The following DLC1 variants were observed in gnomAD, a reference collection of about 807,000 sequenced individuals.
DLC1 encodes rho GTPase-activating protein 7.
A neutral mutation model predicts 140.3 loss-of-function variants in DLC1; 54 were observed. The observed-to-expected ratio is 0.38, with a 90% CI of 0.31 to 0.48. The LOEUF (loss-of-function observed/expected upper bound fraction) is 0.48, where lower values mean the gene tolerates loss of function less well. Ranked by LOEUF, DLC1 falls within the 20% of genes least tolerant of loss-of-function variation. The probability of loss-of-function intolerance (pLI) is 0.96; values close to 1 mark genes in which losing one functional copy is unlikely to be tolerated. For synonymous variants in DLC1, 986 were observed against 728.1 expected (o/e 1.35, Z -5.70); for missense variants, 2,536 against 1,907.0 (o/e 1.33, Z -6.14).
chr8:13,390,996 G>GAAAAAAA (rs34458274), intron 4 of DLC1, among the ~76,000 whole-genome samples: 1 of 141,248 alleles, frequency 7.1e-6, no homozygotes. Flanking sequence ...AAAAAAAAAA[G>GAAAAAAA]AAAAAAAAAA....
At chr8:13,192,860 A>T (rs573316420) in intron 5 of DLC1, among the ~76,000 whole-genome samples, 64 of 152,316 alleles carry the variant, frequency 4.2e-4, no homozygotes, top group African/African-American at 1.5e-3. Flanking sequence ...CCTCGGAGGA[A>T]TCCGACACTG....
chr8:13,600,759 C>G (rs1196335899), intron 1 of DLC1, among the ~76,000 whole-genome samples: 1 of 151,502 alleles, frequency 6.6e-6, no homozygotes, highest in Non-Finnish European at 1.5e-5. Context: ...TGTTCATGAA[C>G]CTTATCTACA....
chr8:13,089,860 G>A (rs1376940165), intron 15 of DLC1, among the ~76,000 whole-genome samples: 2 of 152,156 alleles, frequency 1.3e-5, no homozygotes, highest in African/African-American at 4.8e-5. Context: ...GCTCATTAAA[G>A]GGCCAAGAGA....
At chr8:13,215,979 C>T (rs1450710133) in intron 5 of DLC1, among the ~76,000 whole-genome samples, 1 of 152,090 alleles carries the variant, frequency 6.6e-6, no homozygotes, top group Non-Finnish European at 1.5e-5. Flanking sequence ...CATGGTGTTT[C>T]CCCAGAAAAG....
chr8:13,091,203 C>T (rs953788982), intron 14 of DLC1, 115 bp downstream of exon 14: 2 of 820,184 alleles, frequency 2.4e-6, no homozygotes, highest in East Asian at 2.6e-5. Context: ...GCTATTTATA[C>T]CGTCTCCAGC....
chr8:13,556,696 G>C (rs1804057740), intron 1 of DLC1, among the ~76,000 whole-genome samples: 1 of 152,158 alleles, frequency 6.6e-6, no homozygotes, highest in East Asian at 1.9e-4. Context: ...TTTTCTGAAT[G>C]AGACCTAGCT....
chr8:13,590,868 C>T (rs1184037388), intron 1 of DLC1, among the ~76,000 whole-genome samples: 1 of 152,006 alleles, frequency 6.6e-6, no homozygotes, highest in Non-Finnish European at 1.5e-5. Context: ...AGCACAAATA[C>T]AAATATGTTT....
intron 5 of DLC1, among the ~76,000 whole-genome samples, chr8:13,224,774 C>A (rs111848230): frequency 6.6e-6 from 1 of 152,158 alleles, no homozygotes; most frequent in South Asian, 2.1e-4. Flanking sequence ...AGAGTGAGCG[C>A]CTACAGATTT....
At chr8:13,589,052 G>T (rs138423450) in intron 1 of DLC1, among the ~76,000 whole-genome samples, 1 of 151,898 alleles carries the variant, frequency 6.6e-6, no homozygotes, top group Non-Finnish European at 1.5e-5. Flanking sequence ...TAATAATTAT[G>T]GGTTGCTAGT....
chr8:13,212,107 T>C (rs1295885685), intron 5 of DLC1, among the ~76,000 whole-genome samples: 1 of 152,228 alleles, frequency 6.6e-6, no homozygotes, highest in Non-Finnish European at 1.5e-5. Flanking sequence ...TATAAATATG[T>C]AAACATTCCG....
chr8:13,416,553 C>A lies in DLC1; in HGVS notation c.1024-14934G>T, dbSNP rs138547987. ...GAAGTGGAAGCAGAGAGATTCCCAC[C>A]TATTCTGCACCATCTCTGAAATGTT... On this transcript the variant is annotated intron_variant, in intron 2 of 17. Transcript: ENST00000276297. Among the ~76,000 whole-genome samples, 702 of 152,202 alleles carry A rather than the reference C, an allele frequency of 4.6e-3. 5 individuals carry two copies. Among genetic ancestry groups the A allele is most frequent in the Non-Finnish European group, 7.1e-3 (482 of 68,008 alleles).
At chr8:13,091,248 G>T (rs1166957290) in intron 14 of DLC1, 70 bp downstream of exon 14, 1 of 1,495,528 alleles carries the variant, frequency 6.7e-7, no homozygotes, top group East Asian at 2.3e-5. Flanking sequence ...CATGAACAAG[G>T]GTCAAGCCTA....
At chr8:13,115,732 G>T in intron 5 of DLC1, 75 bp from the exon 6 acceptor site, 1 of 1,410,576 alleles carries the variant, frequency 7.1e-7, no homozygotes, top group Non-Finnish European at 1.0e-6. Context: ...ATAAGCTTTC[G>T]TTTTATGATA....
At chr8:13,156,371 A>ATTACAAGG (rs1441520296) in intron 5 of DLC1, among the ~76,000 whole-genome samples, 8 of 152,166 alleles carry the variant, frequency 5.3e-5, no homozygotes, top group African/African-American at 1.9e-4. Context: ...GTGCTAAATA[A>ATTACAAGG]TTACAAGGTT....
At chr8:13,318,786 T>C (rs1273360886) in intron 4 of DLC1, among the ~76,000 whole-genome samples, 1 of 152,212 alleles carries the variant, frequency 6.6e-6, no homozygotes, top group African/African-American at 2.4e-5. Context: ...TTTCTACATG[T>C]CAGTCCTTGG....
chr8:13,289,596 G>T (rs1831681359), intron 5 of DLC1, among the ~76,000 whole-genome samples: 1 of 152,174 alleles, frequency 6.6e-6, no homozygotes, highest in African/African-American at 2.4e-5. Context: ...CTTCCAAATT[G>T]TTGGGATTAC....
At chr8:13,133,516 C>A in intron 5 of DLC1, 1 of 153,672 alleles carries the variant, frequency 6.5e-6, no homozygotes, top group East Asian at 2.1e-4. Context: ...CCCGCCTCTC[C>A]TCTGTCCCGC....
intron 4 of DLC1, among the ~76,000 whole-genome samples, chr8:13,372,246 A>T (rs1375752762): frequency 6.6e-6 from 1 of 152,190 alleles, no homozygotes; most frequent in African/African-American, 2.4e-5. Flanking sequence ...TATAGAGGTT[A>T]TTCTAAAAGT....
chr8:13,300,293 G>A (rs1334696741), intron 5 of DLC1, among the ~76,000 whole-genome samples: 1 of 152,144 alleles, frequency 6.6e-6, no homozygotes, highest in Non-Finnish European at 1.5e-5. Flanking sequence ...GGAGGATGGT[G>A]TGGGGAGAAC....
Sources: gnomAD v4.1 joint callset for allele counts (sites outside exome capture counted in the v4.1 genomes callset) on GRCh38, gnomAD v4.1.1 for gene constraint, MANE v1.5 for transcripts, NCBI Gene and HGNC (gene_info 2026-07-23, HGNC 2026-07-21) for gene names.